Variants in GNPAT observed in about 807,000 individuals in gnomAD.
The protein encoded by GNPAT is dihydroxyacetone phosphate acyltransferase.
In GNPAT, 30 loss-of-function variants were observed where a neutral mutation model predicts 78.4. The ratio of observed to expected loss-of-function variants is 0.38; its 90% confidence interval spans 0.29 to 0.52. The LOEUF is 0.52. Ranked by LOEUF, GNPAT falls within the 20% of genes least tolerant of loss-of-function variation. The pLI, the probability that GNPAT is intolerant of heterozygous loss-of-function variation, is 0.84. For missense variants in GNPAT, 714 were observed against 812.2 expected, an observed-to-expected ratio of 0.88 and a Z score of 1.47; for synonymous variants, 271 against 281.1, an observed-to-expected ratio of 0.96 and a Z score of 0.36.
At position 231,274,239 on chromosome 1, in the gene GNPAT, C is replaced by T. The variant is rs538866539; in HGVS notation, c.1743+177C>T. 2.0e-5 allele frequency among the ~76,000 whole-genome samples: 3 copies of T among 152,276 alleles called. No individual in the cohort carries two copies. The South Asian group carries it at 6.2e-4, about 32-fold the overall frequency. On this transcript the variant is annotated intron_variant, in intron 12 of 15. Coordinates refer to ENST00000366647, the MANE Select transcript of GNPAT (RefSeq NM_014236.4). The stretch of plus-strand genomic sequence containing the variant: ...ACCTCACCAGTGAGACCTTGCTCCC[C>T]GCATTCAGGAGGAAGCTTGGTTCAT...
rs768003810 is a variant in GNPAT at position 231,273,995 on chromosome 1, C to G, written c.1676C>G (p.Thr559Arg). The change falls in exon 12 of 16, where the codon ACA (threonine) becomes AGA (arginine). Residue 559 changes from threonine (T) to arginine (R), a missense_variant. Thr to Arg is a moderately conservative substitution (Grantham distance 71). Transcript: ENST00000366647. ...GTGACTACGAAAGACATCCTAGTTA[C>G]AGAGAAAGGAAATACTGTGTTAGAA... is the stretch of plus-strand genomic sequence containing the variant. The part of the protein sequence containing the change: ...IQVTTKDILV[T>R]EKGNTVLEFL... The G allele has an allele frequency of 1.2e-6, 2 of 1,610,476 alleles. No individual in the cohort carries two copies. Among genetic ancestry groups the G allele is most frequent in the Admixed American group, 3.3e-5 (2 of 59,998 alleles).
chr1:231,260,445 A>G, intron 2 of GNPAT, 62 bp from the exon 3 acceptor site: 5 of 1,161,334 alleles, frequency 4.3e-6, no homozygotes, highest in Non-Finnish European at 6.5e-6. Flanking sequence ...GGTTTGAGTA[A>G]AGCTTTCTGA....
At chr1:231,243,864 A>ATGTG (rs532068136) in intron 1 of GNPAT, among the ~76,000 whole-genome samples, 1 of 151,218 alleles carries the variant, frequency 6.6e-6, no homozygotes, top group Non-Finnish European at 1.5e-5. Context: ...TCTTACATCT[A>ATGTG]TGTGTGTGTG....
intron 10 of GNPAT, among the ~76,000 whole-genome samples, 153 bp downstream of exon 10, chr1:231,271,153 C>T (rs754524259): frequency 1.3e-5 from 2 of 152,200 alleles, no homozygotes; most frequent in African/African-American, 2.4e-5. Context: ...TCCCCAAATA[C>T]TTGTTCATCT....
In GNPAT at chr1:231,245,986, TATTAA is replaced by T. The variant is rs1413263048; in HGVS notation, c.78+4535_78+4539del. ...CTCTGTCTCAAAAAAAAAAATTAAATATTAAATTATGTAAATTTACGATTAAATCC... is the reference window on the plus strand; with the variant it reads ...CTCTGTCTCAAAAAAAAAAATTAAATATTATGTAAATTTACGATTAAATCC... On this transcript the variant is annotated intron_variant, in intron 1 of 15. Coordinates refer to ENST00000366647, the MANE Select transcript of GNPAT (RefSeq NM_014236.4). Among the ~76,000 whole-genome samples, 5 of 152,148 alleles carry T rather than the reference TATTAA, an allele frequency of 3.3e-5. No individual in the cohort carries two copies. In the East Asian group the frequency reaches 9.6e-4, roughly 29 times the overall value.
In GNPAT at chr1:231,260,535, A is replaced by G. The variant is rs1382583971; in HGVS notation, c.290A>G (p.Asp97Gly). Residue 97 changes from aspartate to glycine, a missense_variant, in exon 3 of 16, where the codon GAT (aspartate) becomes GGT (glycine). Physicochemically the swap from Asp to Gly is moderately conservative, Grantham distance 94 (BLOSUM62 -1). Coordinates refer to ENST00000366647, the MANE Select transcript of GNPAT (RefSeq NM_014236.4). ...TCCAAGGAATCCCTTCAATCTGTGGATGTCCTCCGAGAGGAAGTGAGTGAG... is the reference window on the plus strand; with the variant it reads ...TCCAAGGAATCCCTTCAATCTGTGGGTGTCCTCCGAGAGGAAGTGAGTGAG... ...QLSKESLQSV[D>G]VLREEVSEIL... is the part of the protein sequence containing the mutation. 2.5e-6 allele frequency: 4 copies of G among 1,610,838 alleles called. No individual in the cohort carries two copies. The highest frequency in any genetic ancestry group is 1.7e-4 in the Middle Eastern group (1 of 6,056).
chr1:231,264,892 G>C (rs555505601), intron 4 of GNPAT, among the ~76,000 whole-genome samples: 1 of 152,224 alleles, frequency 6.6e-6, no homozygotes. Context: ...TGGCCTACTT[G>C]TAAAGGGAGT....
At chr1:231,268,754 A>G (rs2102821077) in intron 9 of GNPAT, among the ~76,000 whole-genome samples, 1 of 151,946 alleles carries the variant, frequency 6.6e-6, no homozygotes, top group African/African-American at 2.4e-5. Flanking sequence ...AAAAACACAA[A>G]AATTAGCCGG....
chr1:231,253,682 C>T (rs1167316647), intron 2 of GNPAT, among the ~76,000 whole-genome samples: 1 of 152,198 alleles, frequency 6.6e-6, no homozygotes, highest in Non-Finnish European at 1.5e-5. Flanking sequence ...ATGCTAACAA[C>T]AGCAGTTAGT....
chr1:231,266,100 A>T lies in GNPAT; in HGVS notation c.859A>T (p.Ile287Phe). ...LVPISISYDK[I>F]LEETLYVYEL... ...CCCAATTAGTATCAGTTATGATAAG[A>T]TCTTGGAAGAAACTCTTTATGTGTA... The change falls in exon 7 of 16, where the codon ATC (isoleucine) becomes TTC (phenylalanine). Residue 287 changes from isoleucine (I) to phenylalanine (F), a missense_variant. Ile to Phe is a conservative substitution (Grantham distance 21, BLOSUM62 0). Transcript: ENST00000366647. 1.2e-6 allele frequency: 2 copies of T among 1,612,414 alleles called. No homozygotes were observed. Among genetic ancestry groups the T allele is most frequent in the Non-Finnish European group, 1.7e-6 (2 of 1,178,516 alleles).
chr1:231,241,437 C>G lies in GNPAT; in HGVS notation c.59C>G (p.Ala20Gly), dbSNP rs2102791457. ...TCCGTTGGCCCAACCAGTCCCAGCG[C>G]TGTCGTGCTCCTCTACTCGGTAGGC... ...YFSVGPTSPS[A>G]VVLLYSKELK... is the part of the protein sequence containing the mutation. Residue 20 changes from alanine (A) to glycine (G), a missense_variant, in exon 1 of 16, where the codon GCT becomes GGT. Physicochemically the swap from Ala to Gly is moderately conservative, Grantham distance 60 (BLOSUM62 0). Coordinates refer to ENST00000366647, the MANE Select transcript of GNPAT (RefSeq NM_014236.4). 6.2e-7 allele frequency: 1 copy of G among 1,613,072 alleles called. No homozygotes were observed. The highest frequency in any genetic ancestry group is 1.3e-5 in the African/African-American group (1 of 75,038).
intron 2 of GNPAT, among the ~76,000 whole-genome samples, chr1:231,253,012 A>G (rs1159529681): frequency 6.6e-6 from 1 of 152,168 alleles, no homozygotes; most frequent in Non-Finnish European, 1.5e-5. Flanking sequence ...TCTGTTGCCC[A>G]GGCTGGAGTG....
In GNPAT at chr1:231,241,409, T is replaced by C. The variant is rs1269999706; in HGVS notation, c.31T>C (p.Phe11Leu). MESSSSSNSY[F>L]SVGPTSPSAV... ...GTCTTCCAGTTCATCTAACTCTTAT[T>C]TCTCCGTTGGCCCAACCAGTCCCAG... The change falls in exon 1 of 16, where the codon TTC becomes CTC. Residue 11 changes from phenylalanine (F) to leucine (L), a missense_variant. Physicochemically the swap from Phe to Leu is conservative, Grantham distance 22 (BLOSUM62 0). Coordinates refer to ENST00000366647, the MANE Select transcript of GNPAT (RefSeq NM_014236.4). The C allele has an allele frequency of 6.2e-7, 1 of 1,613,998 alleles. No homozygotes were observed. The highest frequency in any genetic ancestry group is 8.5e-7 in the Non-Finnish European group (1 of 1,179,864).
rs567965357 is a variant in GNPAT, at chr1:231,258,468, G to C, written c.262-2039G>C. ...CGTCCAGCCTCTTCTGAGACCTTTG[G>C]CATGCATCTGCTCCCTTTCCTCTAT... is the stretch of plus-strand genomic sequence containing the variant. On this transcript the variant is annotated intron_variant, in intron 2 of 15. Coordinates refer to ENST00000366647, the MANE Select transcript of GNPAT (RefSeq NM_014236.4). 6.6e-4 allele frequency among the ~76,000 whole-genome samples: 100 copies of C among 152,162 alleles called. No homozygotes were observed. The Middle Eastern group carries it at 0.01, about 16-fold the overall frequency.
chr1:231,277,544 A>C lies in GNPAT; in HGVS notation c.*2A>C, dbSNP rs149641223. On this transcript the variant is annotated 3_prime_UTR_variant, in exon 16 of 16. Coordinates refer to ENST00000366647, the MANE Select transcript of GNPAT (RefSeq NM_014236.4). ...AAACCAGCCACTGCAAAACTTTAATAATCAACAAATAGTTATGGAAAATTC... is the reference window on the plus strand; with the variant it reads ...AAACCAGCCACTGCAAAACTTTAATCATCAACAAATAGTTATGGAAAATTC... 47 of 1,551,228 alleles carry C rather than the reference A, an allele frequency of 3.0e-5. 1 individual carries two copies. In the Middle Eastern group the frequency reaches 6.7e-4, roughly 22 times the overall value.
At chr1:231,250,080 TTTA>T (rs140643889) in intron 1 of GNPAT, among the ~76,000 whole-genome samples, 74,564 of 144,560 alleles carry the variant, frequency 0.52, 19,467 homozygotes, top group African/African-American at 0.58. Context: ...ACTGTACCTC[TTTA>T]TTATTATTAT....
intron 3 of GNPAT, 56 bp downstream of exon 3, chr1:231,260,739 C>CAA (rs374321620): frequency 3.1e-4 from 271 of 861,916 alleles, no homozygotes; most frequent in Non-Finnish European, 3.6e-4. Context: ...TAAAATTAAA[C>CAA]AAAAAAAAAA....
Position 231,241,372 on chromosome 1 carries a change from C to T in GNPAT, c.-7C>T. The T allele has an allele frequency of 6.2e-7, 1 of 1,611,034 alleles. No homozygotes were observed. ...TCCCAGACCCCGCCCGGGAAGGCAGCCGCACCATGGAGTCTTCCAGTTCAT... is the reference window on the plus strand; with the variant it reads ...TCCCAGACCCCGCCCGGGAAGGCAGTCGCACCATGGAGTCTTCCAGTTCAT... On this transcript the variant is annotated 5_prime_UTR_variant, in exon 1 of 16. Transcript: ENST00000366647.
In GNPAT at chr1:231,266,444, G is replaced by C. The variant is rs1685392278; in HGVS notation, c.1055+37G>C. The C allele has an allele frequency of 8.2e-6, 13 of 1,590,598 alleles. No homozygotes were observed. In the East Asian group the frequency reaches 2.5e-4, roughly 30 times the overall value. On this transcript the variant is annotated intron_variant, in intron 8 of 15. Transcript: ENST00000366647. The stretch of plus-strand genomic sequence containing the variant: ...GTTTTAATAACTGTCTTAGAAATGA[G>C]GATTAAAATCCAAAGGTGTGAGTTG...
Sources: allele counts gnomAD v4.1 joint callset (sites outside exome capture counted in the v4.1 genomes callset), GRCh38; gene constraint gnomAD v4.1.1; transcripts MANE v1.5; gene names NCBI Gene and HGNC (gene_info 2026-07-23, HGNC 2026-07-21).